Variants in CCDC171 observed in about 807,000 individuals in gnomAD.
CCDC171 encodes the protein coiled-coil domain-containing protein 171.
Under a neutral mutation model 168.2 loss-of-function variants are expected in CCDC171, and 177 were observed. The observed-to-expected ratio is 1.05, with a 90% CI of 0.93 to 1.19. The LOEUF (loss-of-function observed/expected upper bound fraction) is 1.19, where lower values mean the gene tolerates loss of function less well. CCDC171 is among the 50% of genes most tolerant of loss of function. CCDC171 has a pLI of 0.00. For missense variants in CCDC171, 1,991 were observed against 1,539.0 expected (o/e 1.29, Z -4.91); for synonymous variants, 687 against 540.8 (o/e 1.27, Z -3.75).
At chr9:16,057,218 A>G (rs527459600) in intron 1 of CCDC171, among the ~76,000 whole-genome samples, 1 of 152,306 alleles carries the variant, frequency 6.6e-6, no homozygotes, top group East Asian at 1.9e-4. Flanking sequence ...ACCCCATTTT[A>G]TAGATGAAAA....
chr9:15,810,361 G>C (rs903042199), intron 21 of CCDC171, among the ~76,000 whole-genome samples: 1 of 152,190 alleles, frequency 6.6e-6, no homozygotes, highest in Non-Finnish European at 1.5e-5. Flanking sequence ...CCAGGGCCAC[G>C]GGCAGAGCTG....
chr9:16,075,332 C>G, the CCDC171 span, among the ~76,000 whole-genome samples: 1 of 152,172 alleles, frequency 6.6e-6, no homozygotes, highest in African/African-American at 2.4e-5. Context: ...AATCACTAAT[C>G]TTTTCTCTCT....
At chr9:15,834,230 C>T (rs925490516) in intron 21 of CCDC171, among the ~76,000 whole-genome samples, 1 of 152,042 alleles carries the variant, frequency 6.6e-6, no homozygotes, top group South Asian at 2.1e-4. Context: ...TAGTAACCAA[C>T]CTTAGAATAT....
chr9:15,855,387 C>T (rs1460014113), intron 23 of CCDC171, among the ~76,000 whole-genome samples: 4 of 151,770 alleles, frequency 2.6e-5, no homozygotes, highest in East Asian at 1.9e-4. Flanking sequence ...TTACTGTTTG[C>T]GTGGGCTATC....
intron 1 of CCDC171, among the ~76,000 whole-genome samples, chr9:16,053,479 C>G (rs905119870): frequency 6.6e-6 from 1 of 152,218 alleles, no homozygotes; most frequent in African/African-American, 2.4e-5. Context: ...GTTACTGGAC[C>G]CATCCGCGCC....
At chr9:15,628,853 C>T (rs1049985841) in intron 7 of CCDC171, among the ~76,000 whole-genome samples, 1 of 152,202 alleles carries the variant, frequency 6.6e-6, no homozygotes, top group African/African-American at 2.4e-5. Context: ...AACGATCAGA[C>T]AGCAGCATTA....
Position 15,823,525 on chromosome 9 carries a change from C to T in CCDC171, c.3268-23177C>T, listed in dbSNP as rs140776417. 1.8e-3 allele frequency among the ~76,000 whole-genome samples: 269 copies of T among 152,148 alleles called. 2 individuals carry two copies. The highest frequency in any genetic ancestry group is 6.1e-3 in the African/African-American group (252 of 41,540). On this transcript the variant is annotated intron_variant, in intron 21 of 25. Coordinates refer to ENST00000380701, the MANE Select transcript of CCDC171 (RefSeq NM_173550.4). ...TGGCTAGGCACATTGCAAGGCACTTCATATTATTTTACTTAACAGTCACAA... is the reference window on the plus strand; with the variant it reads ...TGGCTAGGCACATTGCAAGGCACTTTATATTATTTTACTTAACAGTCACAA...
chr9:15,677,284 C>A (rs1444898493), intron 9 of CCDC171, among the ~76,000 whole-genome samples: 2 of 152,024 alleles, frequency 1.3e-5, no homozygotes, highest in African/African-American at 2.4e-5. Context: ...AGCATCCAAT[C>A]CTTTTACACG....
At chr9:15,787,822 G>C (rs2058048028) in intron 21 of CCDC171, among the ~76,000 whole-genome samples, 2 of 152,058 alleles carry the variant, frequency 1.3e-5, no homozygotes, top group Admixed American at 6.6e-5. Context: ...ATATGTCCTT[G>C]TTACTTTAAT....
At chr9:16,101,657 G>A in the CCDC171 span, among the ~76,000 whole-genome samples, 1 of 152,242 alleles carries the variant, frequency 6.6e-6, no homozygotes. Flanking sequence ...AGGAAGTCAG[G>A]CCTTTGAAGC....
intron 7 of CCDC171, among the ~76,000 whole-genome samples, chr9:15,644,180 T>C (rs564719830): frequency 6.6e-6 from 1 of 152,222 alleles, no homozygotes; most frequent in African/African-American, 2.4e-5. Context: ...CATTTTACAT[T>C]CCTATCAGTA....
At chr9:15,774,971 C>G (rs1217863794) in intron 18 of CCDC171, among the ~76,000 whole-genome samples, 2 of 152,006 alleles carry the variant, frequency 1.3e-5, no homozygotes, top group Non-Finnish European at 2.9e-5. Flanking sequence ...TGAGGGGTGA[C>G]GAGGGATAAA....
At chr9:15,750,012 T>TA (rs1021271668) in intron 18 of CCDC171, among the ~76,000 whole-genome samples, 31 of 143,778 alleles carry the variant, frequency 2.2e-4, no homozygotes, top group Middle Eastern at 3.6e-3. Context: ...AAAAACCCTT[T>TA]AAAAAAAATC....
At position 15,993,405 on chromosome 9, in the gene CCDC171, A is replaced by C. The variant is rs550490069; in HGVS notation, n.369-27184A>C. On this transcript the variant is annotated intron_variant and non_coding_transcript_variant, in intron 3 of 9. Coordinates refer to the CCDC171 transcript ENST00000486641. The stretch of plus-strand genomic sequence containing the variant: ...TGGATAGCCATATGTAGAAAGCTGA[A>C]ACTGGATCCCTTCCTTACAGCTTAT... Among the ~76,000 whole-genome samples the C allele has an allele frequency of 3.3e-5, 5 of 152,344 alleles. No homozygotes were observed. In the East Asian group the frequency reaches 9.6e-4, roughly 29 times the overall value.
At chr9:15,699,678 A>G (rs1287206550) in intron 11 of CCDC171, among the ~76,000 whole-genome samples, 1 of 151,832 alleles carries the variant, frequency 6.6e-6, no homozygotes, top group African/African-American at 2.4e-5. Context: ...ATTCACAAAC[A>G]CTGAGCTAGA....
chr9:16,012,025 A>G (rs552367241), intron 3 of CCDC171, among the ~76,000 whole-genome samples: 1 of 152,264 alleles, frequency 6.6e-6, no homozygotes, highest in South Asian at 2.1e-4. Context: ...CAATCACTTC[A>G]TTTCTCTGAT....
At chr9:15,995,813 C>T (rs1029048294) in intron 3 of CCDC171, among the ~76,000 whole-genome samples, 5 of 152,218 alleles carry the variant, frequency 3.3e-5, no homozygotes, top group African/African-American at 9.6e-5. Context: ...GTTTTCAGTT[C>T]ATCATGATCT....
rs946371170 is a variant in CCDC171 at position 16,044,205 on chromosome 9, A to G, written n.89+1319A>G. 2.8e-4 allele frequency among the ~76,000 whole-genome samples: 42 copies of G among 152,218 alleles called. 1 individual carries two copies. Among genetic ancestry groups the G allele is most frequent in the African/African-American group, 8.9e-4 (37 of 41,454 alleles). On this transcript the variant is annotated intron_variant and non_coding_transcript_variant, in intron 1 of 1. Transcript: ENST00000478913. ...GCTGGGGGTGGTAGTGAAGGGGATC[A>G]AGCAACTTTCATTGAAGGATTCATT...
At chr9:15,860,019 G>A (rs1352059667) in intron 23 of CCDC171, among the ~76,000 whole-genome samples, 1 of 151,084 alleles carries the variant, frequency 6.6e-6, no homozygotes, top group African/African-American at 2.4e-5. Flanking sequence ...TTGTTAGGTT[G>A]CATGTTTCTT....
Sources: gnomAD v4.1 joint callset for allele counts (sites outside exome capture counted in the v4.1 genomes callset) on GRCh38, gnomAD v4.1.1 for gene constraint, MANE v1.5 for transcripts, NCBI Gene and HGNC (gene_info 2026-07-23, HGNC 2026-07-21) for gene names.